The following HIBADH variants were observed in gnomAD, a reference collection of about 807,000 sequenced individuals.
HIBADH encodes 3-hydroxyisobutyrate dehydrogenase, also known as 3-hydroxyisobutyrate dehydrogenase, mitochondrial.
In HIBADH, 25 loss-of-function variants were observed where a neutral mutation model predicts 36.1. The ratio of observed to expected loss-of-function variants is 0.69; its 90% confidence interval spans 0.50 to 0.97. The LOEUF is 0.97. HIBADH is among the 50% of genes least tolerant of loss of function. The pLI, the probability that HIBADH is intolerant of heterozygous loss-of-function variation, is 0.00. For missense variants in HIBADH, 421 were observed against 418.0 expected (o/e 1.01, Z -0.06); for synonymous variants, 160 against 149.5 (o/e 1.07, Z -0.51).
At chr7:27,544,670 G>C (rs771251904) in intron 4 of HIBADH, among the ~76,000 whole-genome samples, 63 of 152,086 alleles carry the variant, frequency 4.1e-4, no homozygotes, top group Non-Finnish European at 7.9e-4. Flanking sequence ...ATCTCACCTA[G>C]AGAAATTAAG....
At chr7:27,606,757 T>C (rs901342938) in intron 4 of HIBADH, among the ~76,000 whole-genome samples, 2 of 152,248 alleles carry the variant, frequency 1.3e-5, no homozygotes, top group African/African-American at 4.8e-5. Context: ...AGTGATGTAA[T>C]AATATAAACT....
At chr7:27,614,560 C>T (rs758284164) in intron 4 of HIBADH, among the ~76,000 whole-genome samples, 5 of 152,226 alleles carry the variant, frequency 3.3e-5, no homozygotes, top group Non-Finnish European at 7.3e-5. Flanking sequence ...CTGCCCTCTT[C>T]AGTCTAGTAG....
intron 2 of HIBADH, among the ~76,000 whole-genome samples, chr7:27,644,892 G>A (rs118002445): frequency 6.6e-6 from 1 of 152,060 alleles, no homozygotes; most frequent in African/African-American, 2.4e-5. Context: ...CCTTATTCTG[G>A]ACTTTCAGGA....
chr7:27,632,424 C>G lies in HIBADH; in HGVS notation c.274G>C (p.Val92Leu). The change falls in exon 3 of 8, where the codon GTT becomes CTT. Residue 92 changes from valine (V) to leucine (L), a missense_variant. By Grantham distance (32) the Val-to-Leu change is conservative. Transcript: ENST00000265395. ...GEQVVSSPADVAEKADRIITM... is the reference protein window; with the variant it reads ...GEQVVSSPADLAEKADRIITM... ...ATAATTCTGTCAGCTTTTTCAGCAACATCTGCTGGGGAAGATACTACCTTT... is the reference window on the plus strand; with the variant it reads ...ATAATTCTGTCAGCTTTTTCAGCAAGATCTGCTGGGGAAGATACTACCTTT... 1 of 1,612,974 alleles carries G rather than the reference C, an allele frequency of 6.2e-7. No homozygotes were observed. The highest frequency in any genetic ancestry group is 8.5e-7 in the Non-Finnish European group (1 of 1,179,138).
chr7:27,590,319 T>C (rs1378389900), intron 4 of HIBADH, among the ~76,000 whole-genome samples: 4 of 152,214 alleles, frequency 2.6e-5, no homozygotes, highest in Admixed American at 6.5e-5. Context: ...AACTCAGATC[T>C]GAGTTCAGAT....
At chr7:27,558,860 C>T (rs747516052) in intron 4 of HIBADH, among the ~76,000 whole-genome samples, 1 of 152,168 alleles carries the variant, frequency 6.6e-6, no homozygotes, top group Non-Finnish European at 1.5e-5. Flanking sequence ...TAAAACTTCT[C>T]TGATCTTAAA....
rs1261288069 is a variant in HIBADH at position 27,542,991 on chromosome 7, G to A, written c.594C>T (p.Tyr198=). The A allele has an allele frequency of 6.2e-7, 1 of 1,613,734 alleles. No individual in the cohort carries two copies. Among genetic ancestry groups the A allele is most frequent in the Non-Finnish European group, 8.5e-7 (1 of 1,179,820 alleles). Residue 198 remains tyrosine, a synonymous_variant, in exon 5 of 8, where the codon TAC becomes TAT. Transcript: ENST00000265395. The part of the protein sequence containing the change: ...LLGCMGSNVV[Y]CGAVGTGQAA... ...CCTGCCCAGTCCCAACAGCTCCACA[G>A]TACACCACGTTGGAGCCCATGCACC...
intron 4 of HIBADH, among the ~76,000 whole-genome samples, chr7:27,603,875 C>T (rs1785173766): frequency 6.6e-6 from 1 of 152,080 alleles, no homozygotes; most frequent in African/African-American, 2.4e-5. Context: ...CTAAAAGAAT[C>T]CAAAAGTGTG....
At chr7:27,527,929 T>TTTTTTTTTC (rs1783935049) in intron 7 of HIBADH, among the ~76,000 whole-genome samples, 2 of 127,096 alleles carry the variant, frequency 1.6e-5, no homozygotes, top group African/African-American at 6.4e-5. Context: ...TTTTTTTTTT[T>TTTTTTTTTC]TTTTTTTTTT....
rs186509182 is a variant in HIBADH at position 27,641,575 on chromosome 7, C to G, written c.252+7898G>C. 3.3e-5 allele frequency among the ~76,000 whole-genome samples: 5 copies of G among 152,198 alleles called. 1 individual carries two copies. In the East Asian group the frequency reaches 9.6e-4, roughly 29 times the overall value. ...GGCCTTATGGTAATAGAATGAAATT[C>G]ATTTTTTCTTTTATCCAACATTTTA... On this transcript the variant is annotated intron_variant, in intron 2 of 7. Coordinates refer to ENST00000265395, the MANE Select transcript of HIBADH (RefSeq NM_152740.4).
chr7:27,555,264 G>A (rs1046075214), intron 4 of HIBADH, among the ~76,000 whole-genome samples: 9 of 150,308 alleles, frequency 6.0e-5, no homozygotes, highest in African/African-American at 2.2e-4. Flanking sequence ...CCGGTTTCAT[G>A]AGAACCAATC....
chr7:27,583,317 A>G (rs1784818726), intron 4 of HIBADH, among the ~76,000 whole-genome samples: 1 of 152,102 alleles, frequency 6.6e-6, no homozygotes, highest in Non-Finnish European at 1.5e-5. Context: ...TGATTTTTAA[A>G]GTAAGGAGAA....
chr7:27,582,064 G>A (rs560403532), intron 4 of HIBADH, among the ~76,000 whole-genome samples: 1 of 152,086 alleles, frequency 6.6e-6, no homozygotes, highest in South Asian at 2.1e-4. Context: ...TTCATGCTTT[G>A]ACTTAGGATT....
At chr7:27,547,548 GA>G (rs1784251702) in intron 4 of HIBADH, among the ~76,000 whole-genome samples, 1 of 152,004 alleles carries the variant, frequency 6.6e-6, no homozygotes, top group African/African-American at 2.4e-5. Flanking sequence ...AAGAGAGAAG[GA>G]AAGTCTCAAG....
At chr7:27,607,085 T>C (rs1317272624) in intron 4 of HIBADH, among the ~76,000 whole-genome samples, 1 of 152,214 alleles carries the variant, frequency 6.6e-6, no homozygotes, top group Non-Finnish European at 1.5e-5. Context: ...CAGAGCAAAG[T>C]GCAGGATTTA....
intron 4 of HIBADH, among the ~76,000 whole-genome samples, chr7:27,578,034 GTTATTAGCATCCATTGTTCATTAGA>G (rs1423404331): frequency 6.6e-6 from 1 of 152,066 alleles, no homozygotes; most frequent in East Asian, 1.9e-4. Context: ...ACAGAATACT[GTTATTAGCATCCATTGTTCATTAGA>G]ATGAACATAT....
At chr7:27,626,777 C>A (rs1785656668) in intron 4 of HIBADH, among the ~76,000 whole-genome samples, 1 of 152,120 alleles carries the variant, frequency 6.6e-6, no homozygotes, top group Admixed American at 6.5e-5. Flanking sequence ...TAGAATACTA[C>A]TCTATTTGTA....
chr7:27,661,585 C>CAAAAAAA (rs61214015), intron 1 of HIBADH, among the ~76,000 whole-genome samples: 1 of 68,738 alleles, frequency 1.5e-5, no homozygotes, highest in Non-Finnish European at 2.6e-5. Context: ...GACCCTGTCT[C>CAAAAAAA]AAAAAAAAAA....
chr7:27,608,240 T>C (rs1417963463), intron 4 of HIBADH, among the ~76,000 whole-genome samples: 1 of 152,070 alleles, frequency 6.6e-6, no homozygotes, highest in Non-Finnish European at 1.5e-5. Context: ...CTAAGCTAAA[T>C]GCAAAAAAAC....
Sources: gnomAD v4.1 joint callset for allele counts (sites outside exome capture counted in the v4.1 genomes callset) on GRCh38, gnomAD v4.1.1 for gene constraint, MANE v1.5 for transcripts, NCBI Gene and HGNC (gene_info 2026-07-23, HGNC 2026-07-21) for gene names.